PPP2R2B: variants seen among roughly 807,000 people sequenced by gnomAD.
The protein encoded by PPP2R2B is protein phosphatase 2 regulatory subunit Bbeta.
Under a neutral mutation model 46.0 loss-of-function variants are expected in PPP2R2B, and 5 were observed. That is an observed-to-expected ratio of 0.11 (90% CI 0.06 to 0.23). PPP2R2B has a LOEUF of 0.23. Ranked by LOEUF, PPP2R2B falls within the 10% of genes least tolerant of loss-of-function variation. The pLI is 1.00. For synonymous variants in PPP2R2B, 215 were observed against 206.7 expected, an observed-to-expected ratio of 1.04 and a Z score of -0.34; for missense variants, 367 against 575.0, an observed-to-expected ratio of 0.64 and a Z score of 3.70.
At chr5:146,688,652 A>G (rs968180995) in intron 5 of PPP2R2B, among the ~76,000 whole-genome samples, 3 of 152,064 alleles carry the variant, frequency 2.0e-5, no homozygotes, top group African/African-American at 4.8e-5. Flanking sequence ...CTTCATTGGC[A>G]TCACTGGCTT....
chr5:147,004,014 C>A (rs976512090), intron 1 of PPP2R2B, among the ~76,000 whole-genome samples: 2 of 151,816 alleles, frequency 1.3e-5, no homozygotes, highest in African/African-American at 4.8e-5. Context: ...ACCTGGCAAC[C>A]TTGGTGTTTT....
chr5:146,750,689 C>G (rs1459652099), intron 2 of PPP2R2B, among the ~76,000 whole-genome samples: 1 of 152,182 alleles, frequency 6.6e-6, no homozygotes, highest in Non-Finnish European at 1.5e-5. Flanking sequence ...ATGAATGGAG[C>G]AGTTGCTACC....
intron 2 of PPP2R2B, among the ~76,000 whole-genome samples, chr5:146,818,191 G>A (rs1471460153): frequency 4.6e-5 from 7 of 151,988 alleles, no homozygotes; most frequent in South Asian, 4.2e-4. Context: ...CGTCTTTCCC[G>A]CCAAATTTTA....
intron 1 of PPP2R2B, among the ~76,000 whole-genome samples, chr5:146,950,220 C>G (rs1271745745): frequency 6.6e-6 from 1 of 151,882 alleles, no homozygotes; most frequent in Non-Finnish European, 1.5e-5. Context: ...ATTAAAATAT[C>G]TCATGTACCT....
chr5:146,658,284 C>T (rs536475330), intron 5 of PPP2R2B, among the ~76,000 whole-genome samples: 31 of 152,224 alleles, frequency 2.0e-4, no homozygotes, highest in South Asian at 8.3e-4. Flanking sequence ...AGGCACTAGA[C>T]GGTAAATCTC....
chr5:146,689,708 C>A (rs1039073318), intron 5 of PPP2R2B, among the ~76,000 whole-genome samples: 13 of 152,210 alleles, frequency 8.5e-5, no homozygotes, highest in Non-Finnish European at 1.5e-4. Flanking sequence ...CAATAATACT[C>A]TTCACTACGC....
At chr5:146,594,549 T>G (rs1257285630) in intron 8 of PPP2R2B, among the ~76,000 whole-genome samples, 1 of 152,242 alleles carries the variant, frequency 6.6e-6, no homozygotes, top group Admixed American at 6.5e-5. Flanking sequence ...AGGTGCTTTA[T>G]CTGTCAAAAC....
At chr5:146,775,226 G>A (rs909318741) in intron 2 of PPP2R2B, among the ~76,000 whole-genome samples, 9 of 152,060 alleles carry the variant, frequency 5.9e-5, no homozygotes, top group African/African-American at 1.9e-4. Context: ...TATGAATACC[G>A]ATGTAAAAAT....
At chr5:147,056,402 G>A (rs565887866), upstream of PPP2R2B, among the ~76,000 whole-genome samples, 5 of 152,300 alleles carry the variant, frequency 3.3e-5, no homozygotes, top group East Asian at 5.8e-4. Flanking sequence ...GGATTGAGTA[G>A]TCGGTGACAG....
At chr5:146,915,009 T>A (rs149680191) in intron 1 of PPP2R2B, among the ~76,000 whole-genome samples, 85 of 152,302 alleles carry the variant, frequency 5.6e-4, no homozygotes, top group African/African-American at 1.9e-3. Flanking sequence ...CAAGATGTTG[T>A]TTTTTCTCTT....
At chr5:146,889,068 C>T (rs1442971329) in intron 1 of PPP2R2B, among the ~76,000 whole-genome samples, 1 of 152,198 alleles carries the variant, frequency 6.6e-6, no homozygotes, top group East Asian at 1.9e-4. Flanking sequence ...GTACCTGGAA[C>T]AGTGCCTGGC....
intron 1 of PPP2R2B, among the ~76,000 whole-genome samples, chr5:147,001,370 T>A (rs1285153032): frequency 6.6e-6 from 1 of 151,906 alleles, no homozygotes; most frequent in Non-Finnish European, 1.5e-5. Flanking sequence ...AGCGAGATGA[T>A]GAACCCACCA....
chr5:146,949,181 T>A (rs1454978139), intron 1 of PPP2R2B, among the ~76,000 whole-genome samples: 2 of 150,942 alleles, frequency 1.3e-5, no homozygotes, highest in African/African-American at 4.9e-5. Context: ...TCAAGAATAG[T>A]TTTTTTTTAC....
chr5:147,065,908 C>T (rs1757401962), intron 2 of PPP2R2B, among the ~76,000 whole-genome samples: 1 of 152,042 alleles, frequency 6.6e-6, no homozygotes, highest in Non-Finnish European at 1.5e-5. Context: ...GCATTATCTC[C>T]TTTAAATCTT....
At chr5:146,833,174 AAT>A (rs769903993) in intron 2 of PPP2R2B, among the ~76,000 whole-genome samples, 5 of 152,102 alleles carry the variant, frequency 3.3e-5, no homozygotes, top group Non-Finnish European at 7.4e-5. Flanking sequence ...ATCACTTCAA[AAT>A]GCCTTTAATG....
intron 6 of PPP2R2B, among the ~76,000 whole-genome samples, chr5:146,642,932 C>T (rs1353053421): frequency 2.0e-5 from 3 of 152,172 alleles, no homozygotes; most frequent in Non-Finnish European, 4.4e-5. Context: ...TGGCATGCAC[C>T]TGTAGTTCCA....
intron 2 of PPP2R2B, among the ~76,000 whole-genome samples, chr5:146,710,739 A>G (rs897524829): frequency 2.3e-4 from 35 of 152,382 alleles, no homozygotes; most frequent in African/African-American, 7.7e-4. Context: ...AACATGGGAC[A>G]TCTATGGCTG....
At chr5:146,668,599 C>G (rs537878285) in intron 5 of PPP2R2B, among the ~76,000 whole-genome samples, 52 of 152,302 alleles carry the variant, frequency 3.4e-4, no homozygotes, top group African/African-American at 1.1e-3. Context: ...TGACTTATGC[C>G]TGGTCTACTT....
At chr5:146,735,041 T>A (rs1341707516) in intron 2 of PPP2R2B, among the ~76,000 whole-genome samples, 4 of 152,060 alleles carry the variant, frequency 2.6e-5, no homozygotes, top group African/African-American at 9.7e-5. Context: ...CTGAGCTAGA[T>A]GAGAGGGAAA....
Sources: gnomAD v4.1 joint callset for allele counts (sites outside exome capture counted in the v4.1 genomes callset) on GRCh38, gnomAD v4.1.1 for gene constraint, MANE v1.5 for transcripts, NCBI Gene and HGNC (gene_info 2026-07-23, HGNC 2026-07-21) for gene names.